ARHGAP39: variants seen among roughly 807,000 people sequenced by gnomAD.
The protein encoded by ARHGAP39 is Rho GTPase activating protein 39, also known as rho GTPase-activating protein 39.
ARHGAP39 carries 44 observed loss-of-function variants against 106.9 expected under a neutral mutation model. The observed-to-expected ratio is 0.41, with a 90% confidence interval of 0.32 to 0.53. The LOEUF (loss-of-function observed/expected upper bound fraction) is 0.53, where lower values mean the gene tolerates loss of function less well. ARHGAP39 is among the 20% of genes least tolerant of loss of function. ARHGAP39 has a pLI of 0.21. For missense variants in ARHGAP39, 1,496 were observed against 1,577.3 expected, an observed-to-expected ratio of 0.95 and a Z score of 0.87; for synonymous variants, 768 against 693.2, an observed-to-expected ratio of 1.11 and a Z score of -1.69.
intron 7 of ARHGAP39, 125 bp from the exon 8 acceptor site, chr8:144,534,327 C>G: frequency 2.0e-6 from 2 of 1,011,854 alleles, no homozygotes; most frequent in Non-Finnish European, 3.0e-6. Context: ...CCGGTCACCC[C>G]CTGCCCAGCA....
At chr8:144,658,381 TCTC>T (rs1269905392) in intron 1 of ARHGAP39, among the ~76,000 whole-genome samples, 1 of 152,066 alleles carries the variant, frequency 6.6e-6, no homozygotes, top group Non-Finnish European at 1.5e-5. Context: ...TTCAAGCAAT[TCTC>T]CTGCCTCAGC....
At chr8:144,676,078 G>C (rs911157442) in intron 1 of ARHGAP39, among the ~76,000 whole-genome samples, 1 of 152,224 alleles carries the variant, frequency 6.6e-6, no homozygotes, top group Non-Finnish European at 1.5e-5. Context: ...GACCCAAAGA[G>C]TGAGCACCAG....
chr8:144,605,821 G>GC, intron 1 of ARHGAP39, 126 bp from the exon 2 acceptor site: 1 of 588,018 alleles, frequency 1.7e-6, no homozygotes, highest in Non-Finnish European at 3.0e-6. Flanking sequence ...CCCGTGAGCC[G>GC]CCCCCGGGCA....
chr8:144,592,806 C>T (rs951091330), intron 2 of ARHGAP39, among the ~76,000 whole-genome samples: 8 of 152,176 alleles, frequency 5.3e-5, no homozygotes, highest in African/African-American at 1.9e-4. Flanking sequence ...CCTCAGGGGT[C>T]CCACAGACTG....
intron 3 of ARHGAP39, among the ~76,000 whole-genome samples, 159 bp from the exon 4 acceptor site, chr8:144,555,802 C>T (rs148697586): frequency 6.6e-5 from 10 of 152,368 alleles, no homozygotes; most frequent in African/African-American, 9.6e-5. Flanking sequence ...GCCCTGAGTC[C>T]ACCTTCTTCC....
At chr8:144,632,004 G>A (rs1297567840) in intron 1 of ARHGAP39, among the ~76,000 whole-genome samples, 2 of 152,092 alleles carry the variant, frequency 1.3e-5, no homozygotes, top group Non-Finnish European at 2.9e-5. Context: ...CCAGTGCAAC[G>A]TGCACTGGTT....
rs1821414668 is a variant in ARHGAP39 at position 144,645,325 on chromosome 8, C to T, written c.-81-39630G>A. 6.6e-6 allele frequency among the ~76,000 whole-genome samples: 1 copy of T among 152,250 alleles called. No homozygotes were observed. The highest frequency in any genetic ancestry group is 1.5e-5 in the Non-Finnish European group (1 of 68,048). On this transcript the variant is annotated intron_variant, in intron 1 of 11. Transcript: ENST00000377307. The surrounding 1 kb of genome is among the most constrained non-coding windows in gnomAD (Gnocchi z 4.4). ...GAGAGGTTGGCCATGAGGTCAGATG[C>T]CCAGCTGGGAACCAGCCCTGGGACA... is the stretch of plus-strand genomic sequence containing the variant.
At chr8:144,580,783 C>T in intron 3 of ARHGAP39, 63 bp downstream of exon 3, 1 of 1,281,886 alleles carries the variant, frequency 7.8e-7, no homozygotes, top group Non-Finnish European at 1.0e-6. Context: ...CCCTACCTGC[C>T]TCACCTGGCC....
chr8:144,555,079 T>G (rs565189105), intron 4 of ARHGAP39, among the ~76,000 whole-genome samples: 29 of 152,366 alleles, frequency 1.9e-4, no homozygotes, highest in Admixed American at 6.5e-4. Context: ...GGGAGCGTCC[T>G]GCCCGCCCAG....
chr8:144,682,244 CAAAAAAAAAAAA>C (rs1199836499), intron 1 of ARHGAP39, among the ~76,000 whole-genome samples: 1 of 30,688 alleles, frequency 3.3e-5, no homozygotes, highest in East Asian at 9.4e-4. Context: ...GACTCTATCT[CAAAAAAAAAAAA>C]AAAAAAAAAA....
At chr8:144,699,930 G>A in the ARHGAP39 span, among the ~76,000 whole-genome samples, 2 of 152,146 alleles carry the variant, frequency 1.3e-5, no homozygotes, top group African/African-American at 2.4e-5. Context: ...CTCTTTCTCC[G>A]TGAATCGCAT....
intron 2 of ARHGAP39, among the ~76,000 whole-genome samples, chr8:144,603,350 C>T (rs145800065): frequency 5.3e-5 from 8 of 151,650 alleles, no homozygotes; most frequent in East Asian, 1.9e-4. Flanking sequence ...CATGTGTGCA[C>T]GCTCGTGAAC....
intron 2 of ARHGAP39, among the ~76,000 whole-genome samples, chr8:144,602,385 C>T (rs1820042265): frequency 1.8e-5 from 2 of 113,926 alleles, no homozygotes; most frequent in Non-Finnish European, 3.5e-5. Context: ...GCTCATGTAC[C>T]TGTGTGTGTG....
chr8:144,546,375 G>A (rs1050820098), intron 5 of ARHGAP39, among the ~76,000 whole-genome samples: 1 of 152,172 alleles, frequency 6.6e-6, no homozygotes, highest in African/African-American at 2.4e-5. Context: ...GAAGTGGACA[G>A]AATCACGGAC....
At position 144,598,334 on chromosome 8, in the gene ARHGAP39, G is replaced by A. The variant is rs145931998; in HGVS notation, c.80+7201C>T. 2.0e-3 allele frequency among the ~76,000 whole-genome samples: 308 copies of A among 152,264 alleles called. 1 individual carries two copies. Among genetic ancestry groups the A allele is most frequent in the African/African-American group, 6.9e-3 (287 of 41,544 alleles). Reference sequence around the variant, plus strand: ...CACGTTGTGTGTAAAGGGGAAACTCGGAACTCAGCTGTGGGTGTCAGTGGA... The same window carrying A: ...CACGTTGTGTGTAAAGGGGAAACTCAGAACTCAGCTGTGGGTGTCAGTGGA... On this transcript the variant is annotated intron_variant, in intron 2 of 11. Transcript: ENST00000377307.
chr8:144,584,631 C>T (rs572567820), intron 2 of ARHGAP39, among the ~76,000 whole-genome samples: 47 of 152,246 alleles, frequency 3.1e-4, no homozygotes, highest in African/African-American at 1.1e-3. Context: ...GGTGTGGTGG[C>T]GTGCACCTGT....
At chr8:144,549,320 TC>T (rs1292994220) in intron 4 of ARHGAP39, among the ~76,000 whole-genome samples, 1 of 152,196 alleles carries the variant, frequency 6.6e-6, no homozygotes, top group African/African-American at 2.4e-5. Context: ...GAGGGGCCCC[TC>T]CACCACCTTC....
At chr8:144,534,686 G>A (rs1816883762) in intron 7 of ARHGAP39, among the ~76,000 whole-genome samples, 1 of 152,236 alleles carries the variant, frequency 6.6e-6, no homozygotes, top group South Asian at 2.1e-4. Flanking sequence ...TATCTGCACA[G>A]CAAGCCCAGC....
chr8:144,590,583 C>T (rs113438280), intron 2 of ARHGAP39, among the ~76,000 whole-genome samples: 3,939 of 152,256 alleles, frequency 0.026, 93 homozygotes, highest in Admixed American at 0.066. Flanking sequence ...GCCAATTAAA[C>T]GTCTTTTCTT....
Sources: gnomAD v4.1 joint callset for allele counts (sites outside exome capture counted in the v4.1 genomes callset) on GRCh38, gnomAD v4.1.1 for gene constraint, Gnocchi (gnomAD v3.1) non-coding constraint, MANE v1.5 for transcripts, NCBI Gene and HGNC (gene_info 2026-07-23, HGNC 2026-07-21) for gene names.